DLGAP2: variants seen among roughly 807,000 people sequenced by gnomAD.
The protein encoded by DLGAP2 is DLG associated protein 2, also known as disks large-associated protein 2.
A neutral mutation model predicts 100.3 loss-of-function variants in DLGAP2; 26 were observed. The observed-to-expected ratio is 0.26, with a 90% CI of 0.19 to 0.36. The LOEUF (loss-of-function observed/expected upper bound fraction) is 0.36, where lower values mean the gene tolerates loss of function less well. DLGAP2 is among the 10% of genes least tolerant of loss of function. The pLI is 1.00. For synonymous variants in DLGAP2, 886 were observed against 630.1 expected (o/e 1.41, Z -6.08); for missense variants, 1,858 against 1,453.2 (o/e 1.28, Z -4.53).
chr8:1,320,517 C>T (rs1245401350), intron 3 of DLGAP2, among the ~76,000 whole-genome samples: 1 of 152,122 alleles, frequency 6.6e-6, no homozygotes, highest in African/African-American at 2.4e-5. Context: ...AACATACGGG[C>T]ACAGAGCCGT....
rs1796990650 is a variant in DLGAP2 at position 841,907 on chromosome 8, A to G, written c.19-66005A>G. 5.3e-5 allele frequency among the ~76,000 whole-genome samples: 8 copies of G among 152,274 alleles called. No individual in the cohort carries two copies. The South Asian group carries it at 1.7e-3, about 32-fold the overall frequency. On this transcript the variant is annotated intron_variant, in intron 1 of 14. Coordinates refer to ENST00000637795, the MANE Select transcript of DLGAP2 (RefSeq NM_001346810.2). ...CTGATTCTCGAGAGCACAGGATATA[A>G]TAGAGTTACAGCAGTCCATAATTAA...
intron 1 of DLGAP2, among the ~76,000 whole-genome samples, chr8:784,350 G>T (rs1821781011): frequency 6.6e-6 from 1 of 152,184 alleles, no homozygotes; most frequent in South Asian, 2.1e-4. Context: ...TGAAATGTGT[G>T]TTCATGTGGG....
intron 2 of DLGAP2, among the ~76,000 whole-genome samples, chr8:1,253,755 ACT>A (rs975514134): frequency 6.6e-6 from 1 of 152,052 alleles, no homozygotes; most frequent in African/African-American, 2.4e-5. Context: ...TTTAAGTGAG[ACT>A]CTGCACTAAT....
chr8:1,706,844 G>C lies in DLGAP2; in HGVS notation c.*5438G>C, dbSNP rs1008924010. On this transcript the variant is annotated 3_prime_UTR_variant, in exon 15 of 15. Coordinates refer to ENST00000637795, the MANE Select transcript of DLGAP2 (RefSeq NM_001346810.2). ...GAAGCCCACCCCTCTAATTCCAGGC[G>C]TTTGTAATTTTTCTACTTCGCACTT... The C allele has an allele frequency of 2.6e-5, 4 of 152,168 alleles. No individual in the cohort carries two copies. Among genetic ancestry groups the C allele is most frequent in the African/African-American group, 9.7e-5 (4 of 41,436 alleles). The allele number at this position is 152,168 out of a possible 1,614,324, so 9.4% of individuals were successfully genotyped here.
intron 2 of DLGAP2, among the ~76,000 whole-genome samples, chr8:1,091,894 A>C: frequency 6.6e-6 from 1 of 151,974 alleles, no homozygotes; most frequent in Non-Finnish European, 1.5e-5. Context: ...CTCTTCTCTA[A>C]CGCACAGCTC....
At chr8:1,294,059 T>C (rs1436730671) in intron 3 of DLGAP2, among the ~76,000 whole-genome samples, 1 of 152,130 alleles carries the variant, frequency 6.6e-6, no homozygotes, top group Non-Finnish European at 1.5e-5. Flanking sequence ...CAGAGGGGAA[T>C]GGACTCGCCC....
chr8:1,074,012 C>G (rs13270738), intron 2 of DLGAP2, among the ~76,000 whole-genome samples: 3 of 147,238 alleles, frequency 2.0e-5, no homozygotes, highest in African/African-American at 5.3e-5. Context: ...TTGCAGCAGA[C>G]TGAAGCTGAA....
chr8:1,699,326 C>G lies in DLGAP2; in HGVS notation c.2950-1862C>G, dbSNP rs530568308. Among the ~76,000 whole-genome samples, 6 of 152,042 alleles carry G rather than the reference C, an allele frequency of 3.9e-5. No homozygotes were observed. The East Asian group carries it at 1.2e-3, about 29-fold the overall frequency. On this transcript the variant is annotated intron_variant, in intron 14 of 14. Transcript: ENST00000637795. Reference sequence around the variant, plus strand: ...CTCTACTAAAAATACACAAAATTAGCCGGGCACAGTGGATCACGCCTGTAA... The same window carrying G: ...CTCTACTAAAAATACACAAAATTAGGCGGGCACAGTGGATCACGCCTGTAA...
chr8:1,236,829 C>G (rs1309115446), intron 2 of DLGAP2, among the ~76,000 whole-genome samples: 1 of 79,924 alleles, frequency 1.3e-5, no homozygotes, highest in East Asian at 3.6e-4. Context: ...GTCTAGTTCT[C>G]TCTCACACAT....
At chr8:1,303,827 G>C (rs374662269) in intron 3 of DLGAP2, among the ~76,000 whole-genome samples, 48 of 152,264 alleles carry the variant, frequency 3.2e-4, no homozygotes, top group African/African-American at 7.7e-4. Flanking sequence ...AGGAGAAGGC[G>C]GGACTCCCGG....
intron 2 of DLGAP2, chr8:1,250,297 A>G (rs1010471618): frequency 2.0e-5 from 3 of 152,216 alleles, no homozygotes; most frequent in Non-Finnish European, 4.4e-5. Flanking sequence ...GTGAGCTCAC[A>G]GTTTGTCTCC....
chr8:924,303 T>C (rs1798770311), intron 2 of DLGAP2, among the ~76,000 whole-genome samples: 1 of 152,184 alleles, frequency 6.6e-6, no homozygotes. Flanking sequence ...ATCTCTGTCC[T>C]CCGGCTCACG....
At position 941,699 on chromosome 8, in the gene DLGAP2, A is replaced by G. The variant is rs182587624; in HGVS notation, c.73+33733A>G. Among the ~76,000 whole-genome samples the G allele has an allele frequency of 4.5e-4, 68 of 152,206 alleles. 1 individual carries two copies. Among genetic ancestry groups the G allele is most frequent in the Non-Finnish European group, 5.9e-4 (40 of 68,024 alleles). On this transcript the variant is annotated intron_variant, in intron 2 of 14. Coordinates refer to ENST00000637795, the MANE Select transcript of DLGAP2 (RefSeq NM_001346810.2). ...TAAGCAGCTGTGTCCCCTCTATGTT[A>G]TTATTCTTTGTGCGGCTTTCTTTGA...
At chr8:1,151,806 A>C (rs905766478) in intron 2 of DLGAP2, among the ~76,000 whole-genome samples, 3 of 152,192 alleles carry the variant, frequency 2.0e-5, no homozygotes, top group African/African-American at 7.2e-5. Context: ...GTACTGTTGC[A>C]GTCAACTTAT....
At chr8:818,265 C>T (rs905995851) in intron 1 of DLGAP2, among the ~76,000 whole-genome samples, 3 of 152,202 alleles carry the variant, frequency 2.0e-5, no homozygotes, top group East Asian at 1.9e-4. Flanking sequence ...TCACACAGGT[C>T]GCTAGGGAAG....
intron 7 of DLGAP2, among the ~76,000 whole-genome samples, chr8:1,630,518 T>C (rs1015285426): frequency 8.6e-5 from 13 of 151,984 alleles, no homozygotes; most frequent in African/African-American, 2.7e-4. Flanking sequence ...CTGGCTAACA[T>C]GGTGAAACCT....
chr8:1,419,666 C>G (rs1228595669), intron 3 of DLGAP2, among the ~76,000 whole-genome samples: 1 of 152,164 alleles, frequency 6.6e-6, no homozygotes, highest in Non-Finnish European at 1.5e-5. Context: ...CACTGAGATA[C>G]TGTCTCACTC....
intron 1 of DLGAP2, among the ~76,000 whole-genome samples, chr8:861,893 A>T (rs1375817531): frequency 5.3e-5 from 8 of 152,198 alleles, no homozygotes; most frequent in Non-Finnish European, 1.2e-4. Flanking sequence ...CCATTAGGTA[A>T]TATTGTAGGG....
At chr8:1,551,737 G>C (rs763288924) in intron 5 of DLGAP2, among the ~76,000 whole-genome samples, 1 of 152,132 alleles carries the variant, frequency 6.6e-6, no homozygotes, top group African/African-American at 2.4e-5. Flanking sequence ...AATCCCACAC[G>C]ACAGACAGAT....
Sources: gnomAD v4.1 joint callset for allele counts (sites outside exome capture counted in the v4.1 genomes callset) on GRCh38, gnomAD v4.1.1 for gene constraint, MANE v1.5 for transcripts, NCBI Gene and HGNC (gene_info 2026-07-23, HGNC 2026-07-21) for gene names.